COL5A2: variants seen among roughly 807,000 people sequenced by gnomAD.
The protein encoded by COL5A2 is collagen alpha-2(V) chain.
In COL5A2, 23 loss-of-function variants were observed where a neutral mutation model predicts 208.2. The ratio of observed to expected loss-of-function variants is 0.11; its 90% CI spans 0.08 to 0.16. COL5A2 has a LOEUF of 0.16. Ranked by LOEUF, COL5A2 falls within the 10% of genes least tolerant of loss-of-function variation. The probability of loss-of-function intolerance (pLI) is 1.00; values close to 1 mark genes in which losing one functional copy is unlikely to be tolerated. For synonymous variants in COL5A2, 625 were observed against 628.5 expected, an observed-to-expected ratio of 0.99 and a Z score of 0.08; for missense variants, 1,590 against 1,956.4, an observed-to-expected ratio of 0.81 and a Z score of 3.53.
chr2:189,146,816 CT>C (rs772903164), intron 1 of COL5A2, among the ~76,000 whole-genome samples: 1 of 152,098 alleles, frequency 6.6e-6, no homozygotes, highest in Non-Finnish European at 1.5e-5. Flanking sequence ...ACAGTAAAAG[CT>C]GCCTTCATAG....
chr2:189,383,912 C>T, the COL5A2 span, among the ~76,000 whole-genome samples: 1 of 152,080 alleles, frequency 6.6e-6, no homozygotes, highest in South Asian at 2.1e-4. Flanking sequence ...AACCCTCCCC[C>T]CATTCACCTT....
the COL5A2 span, among the ~76,000 whole-genome samples, chr2:189,385,763 G>C: frequency 6.6e-6 from 1 of 152,090 alleles, no homozygotes; most frequent in Non-Finnish European, 1.5e-5. Context: ...GCATGGTACA[G>C]GTACAAAACC....
chr2:189,339,072 C>T, the COL5A2 span, among the ~76,000 whole-genome samples: 5,591 of 152,168 alleles, frequency 0.037, 119 homozygotes, highest in Admixed American at 0.051. Flanking sequence ...TTTTTTCAGG[C>T]GGGCACAGTG....
In COL5A2 at chr2:189,032,083, G is replaced by A. The variant is rs529914646; in HGVS notation, c.*1987C>T. 78 of 152,032 alleles carry A rather than the reference G, an allele frequency of 5.1e-4. No individual in the cohort carries two copies. Among genetic ancestry groups the A allele is most frequent in the African/African-American group, 1.9e-3 (77 of 41,480 alleles). The allele number at this position is 152,032 out of a possible 1,614,324, so 9.4% of individuals were successfully genotyped here. On this transcript the variant is annotated 3_prime_UTR_variant, in exon 54 of 54. Coordinates refer to ENST00000374866, the MANE Select transcript of COL5A2 (RefSeq NM_000393.5). The stretch of plus-strand genomic sequence containing the variant: ...CAAACAAAACTCACACATGTATTTA[G>A]GCATATAAATACTCAAATTTAAGAT...
intron 52 of COL5A2, among the ~76,000 whole-genome samples, chr2:189,036,024 T>C (rs1212943518): frequency 2.6e-5 from 4 of 152,120 alleles, no homozygotes; most frequent in African/African-American, 9.6e-5. Flanking sequence ...ATATTAAAAA[T>C]TTTACAAAAT....
chr2:189,333,711 A>G, the COL5A2 span, among the ~76,000 whole-genome samples: 1 of 152,104 alleles, frequency 6.6e-6, no homozygotes, highest in Non-Finnish European at 1.5e-5. Context: ...ATATACACAG[A>G]GGGAATACAT....
rs754932150 is a variant in COL5A2, at chr2:189,035,052, T to C, written c.4217A>G (p.Lys1406Arg). ...EASQNITYIC[K>R]NSVGYMDDQA... is the part of the protein sequence containing the mutation. The stretch of plus-strand genomic sequence containing the variant: ...ATCGTCCATGTATCCTACACTGTTT[T>C]TACAGATGTAAGTGATGTTCTGGGA... The change falls in exon 53 of 54, where the codon AAA becomes AGA. Residue 1406 changes from lysine to arginine, a missense_variant. By Grantham distance (26) the Lys-to-Arg change is conservative. Transcript: ENST00000374866. The C allele has an allele frequency of 9.3e-6, 15 of 1,613,890 alleles. No individual in the cohort carries two copies. Among genetic ancestry groups the C allele is most frequent in the Non-Finnish European group, 1.3e-5 (15 of 1,179,884 alleles).
At chr2:189,263,839 T>C in the COL5A2 span, among the ~76,000 whole-genome samples, 5 of 152,278 alleles carry the variant, frequency 3.3e-5, no homozygotes, top group Admixed American at 2.6e-4. Flanking sequence ...TTTGTCTAAG[T>C]ACACTCTTTG....
At chr2:189,038,873 T>G (rs1685496616) in intron 51 of COL5A2, among the ~76,000 whole-genome samples, 1 of 152,052 alleles carries the variant, frequency 6.6e-6, no homozygotes, top group South Asian at 2.1e-4. Flanking sequence ...GTATTTTTAG[T>G]AGAGACGGGG....
the COL5A2 span, among the ~76,000 whole-genome samples, chr2:189,366,573 A>T: frequency 6.6e-6 from 1 of 152,222 alleles, no homozygotes; most frequent in Non-Finnish European, 1.5e-5. Flanking sequence ...TTACCATCAC[A>T]TTCCTCAAGC....
the COL5A2 span, among the ~76,000 whole-genome samples, chr2:189,232,494 T>C: frequency 1.3e-5 from 2 of 151,724 alleles, no homozygotes; most frequent in Non-Finnish European, 2.9e-5. Flanking sequence ...GTTCCTACAA[T>C]AGGCCAGGCA....
chr2:189,041,696 G>A lies in COL5A2; in HGVS notation c.3526-3C>T, dbSNP rs768266968. 2 of 1,609,724 alleles carry A rather than the reference G, an allele frequency of 1.2e-6. No individual in the cohort carries two copies. The highest frequency in any genetic ancestry group is 1.7e-6 in the Non-Finnish European group (2 of 1,176,080). ...GGACCAACTGGGCCTGGAGGACCCT[G>A]CAAGAAACAAAGACTGTAGTTTAGA... On this transcript the variant is annotated splice_region_variant and splice_polypyrimidine_tract_variant and intron_variant, in intron 49 of 53. Coordinates refer to ENST00000374866, the MANE Select transcript of COL5A2 (RefSeq NM_000393.5).
the COL5A2 span, among the ~76,000 whole-genome samples, chr2:189,299,977 T>G: frequency 9.9e-5 from 15 of 152,240 alleles, no homozygotes; most frequent in East Asian, 1.7e-3. Flanking sequence ...TCATCATAAG[T>G]AAGCATATAC....
At chr2:189,050,309 G>A (rs1685757320) in intron 43 of COL5A2, among the ~76,000 whole-genome samples, 1 of 152,054 alleles carries the variant, frequency 6.6e-6, no homozygotes, top group African/African-American at 2.4e-5. Context: ...TTTGAAGAAG[G>A]ATTTAAAGGT....
chr2:189,214,772 A>G (rs1267537980), intron 1 of COL5A2, among the ~76,000 whole-genome samples: 1 of 152,164 alleles, frequency 6.6e-6, no homozygotes, highest in African/African-American at 2.4e-5. Flanking sequence ...TCAGTAGTAA[A>G]TGGGTAGTTT....
At chr2:189,184,814 G>C (rs886782010), upstream of COL5A2, among the ~76,000 whole-genome samples, 1 of 152,026 alleles carries the variant, frequency 6.6e-6, no homozygotes, top group Non-Finnish European at 1.5e-5. Context: ...CATCTTTGGG[G>C]GCTATTATTC....
intron 17 of COL5A2, among the ~76,000 whole-genome samples, chr2:189,072,610 A>G (rs1419184986): frequency 1.3e-5 from 2 of 151,998 alleles, no homozygotes; most frequent in Admixed American, 6.6e-5. Context: ...AGTCTCTACT[A>G]AAAATACAAA....
intron 1 of COL5A2, among the ~76,000 whole-genome samples, chr2:189,122,967 T>C (rs547257221): frequency 6.2e-5 from 3 of 48,672 alleles, no homozygotes; most frequent in Non-Finnish European, 2.7e-4. Context: ...ATAAAGTATT[T>C]AATTTTTTTT....
At chr2:189,283,162 T>C in the COL5A2 span, among the ~76,000 whole-genome samples, 1 of 151,270 alleles carries the variant, frequency 6.6e-6, no homozygotes, top group Admixed American at 6.6e-5. Context: ...GTAAATGCTG[T>C]TGACTTGTTT....
Sources: gnomAD v4.1 joint callset for allele counts (sites outside exome capture counted in the v4.1 genomes callset) on GRCh38, gnomAD v4.1.1 for gene constraint, MANE v1.5 for transcripts, NCBI Gene and HGNC (gene_info 2026-07-23, HGNC 2026-07-21) for gene names.